BTNL8: variants seen among roughly 807,000 people sequenced by gnomAD.
The protein encoded by BTNL8 is butyrophilin like 8, also known as butyrophilin-like protein 8.
Under a neutral mutation model 36.1 loss-of-function variants are expected in BTNL8, and 22 were observed. That is an observed-to-expected ratio of 0.61 (90% CI 0.44 to 0.87). BTNL8 has a LOEUF of 0.87. BTNL8 is among the 40% of genes least tolerant of loss of function. BTNL8 has a pLI of 0.00. For synonymous variants in BTNL8, 203 were observed against 235.6 expected, an observed-to-expected ratio of 0.86 and a Z score of 1.27; for missense variants, 526 against 616.9, an observed-to-expected ratio of 0.85 and a Z score of 1.56.
chr5:180,928,161 G>A (rs1291721201), intron 3 of BTNL8, among the ~76,000 whole-genome samples: 1 of 152,208 alleles, frequency 6.6e-6, no homozygotes. Flanking sequence ...CAAGCCAGAA[G>A]AGAGTGAGGG....
intron 3 of BTNL8, among the ~76,000 whole-genome samples, chr5:180,941,916 T>TTTTTTTTTTTTGAGACGGAGTCTCGCTG (rs1172840637): frequency 2.0e-5 from 3 of 150,526 alleles, no homozygotes; most frequent in African/African-American, 7.4e-5. Flanking sequence ...ACTACTCTTA[T>TTTTTTTTTTTTGAGACGGAGTCTCGCTG]TCAACAAAGT....
At chr5:180,945,091 C>T (rs1017509363) in intron 3 of BTNL8, among the ~76,000 whole-genome samples, 22 of 152,170 alleles carry the variant, frequency 1.4e-4, no homozygotes, top group Admixed American at 5.2e-4. Context: ...ATAATTAAAA[C>T]GTCCTGGGGC....
chr5:180,947,645 A>G lies in BTNL8; in HGVS notation c.787+20A>G. The G allele has an allele frequency of 3.7e-6, 6 of 1,614,214 alleles. No homozygotes were observed. Among genetic ancestry groups the G allele is most frequent in the Non-Finnish European group, 5.1e-6 (6 of 1,180,030 alleles). On this transcript the variant is annotated intron_variant, in intron 4 of 7. Transcript: ENST00000340184. ...TCCAGTGTAAGCGAGAGAGAGAAGC[A>G]TGGGCCGGTGCCTTATTCATGGTTC...
At chr5:180,922,037 A>T (rs1757889118) in intron 3 of BTNL8, among the ~76,000 whole-genome samples, 1 of 151,528 alleles carries the variant, frequency 6.6e-6, no homozygotes, top group African/African-American at 2.4e-5. Context: ...GCTCAGTGTA[A>T]TATCCCCTTT....
chr5:180,936,755 G>A (rs948316037), intron 3 of BTNL8, among the ~76,000 whole-genome samples: 6 of 152,180 alleles, frequency 3.9e-5, no homozygotes, highest in Non-Finnish European at 7.3e-5. Flanking sequence ...CAGTGACCCT[G>A]ACCACTTGAT....
At chr5:180,901,947 T>G (rs1233685169) in intron 1 of BTNL8, among the ~76,000 whole-genome samples, 2 of 152,208 alleles carry the variant, frequency 1.3e-5, no homozygotes, top group Admixed American at 6.5e-5. Flanking sequence ...CTTTCAGAAC[T>G]TGGCAGAACA....
chr5:180,948,760 A>G, intron 5 of BTNL8, 160 bp from the exon 6 acceptor site: 3 of 481,316 alleles, frequency 6.2e-6, no homozygotes, highest in Non-Finnish European at 1.1e-5. Flanking sequence ...CCAGTTCTGT[A>G]TCAACCACTA....
chr5:180,949,460 G>T (rs1480563317), intron 7 of BTNL8, 195 bp downstream of exon 7: 4 of 889,114 alleles, frequency 4.5e-6, no homozygotes, highest in Non-Finnish European at 6.6e-6. Context: ...TCTAGAAGGG[G>T]AGAAGACAGG....
chr5:180,943,541 CAAT>C (rs767252759), intron 3 of BTNL8, among the ~76,000 whole-genome samples: 12 of 152,114 alleles, frequency 7.9e-5, no homozygotes, highest in African/African-American at 1.7e-4. Flanking sequence ...ATCAAAACTA[CAAT>C]GAGATAAAAC....
chr5:180,949,647 G>C, intron 7 of BTNL8: 1 of 550,686 alleles, frequency 1.8e-6, no homozygotes, highest in Non-Finnish European at 3.2e-6. Flanking sequence ...ATAGTTTTAT[G>C]TATGAAGGGA....
intron 3 of BTNL8, among the ~76,000 whole-genome samples, chr5:180,930,896 T>C (rs1333232504): frequency 6.6e-6 from 1 of 152,088 alleles, no homozygotes; most frequent in African/African-American, 2.4e-5. Flanking sequence ...CCAAGGTAAT[T>C]TATAGATTCA....
At chr5:180,912,582 G>A (rs1757449251) in intron 3 of BTNL8, among the ~76,000 whole-genome samples, 1 of 152,030 alleles carries the variant, frequency 6.6e-6, no homozygotes, top group East Asian at 1.9e-4. Context: ...AAAATTCTCT[G>A]AGCTGGGATT....
rs767571247 is a variant in BTNL8, at chr5:180,947,501, T to C, written c.674-11T>C. On this transcript the variant is annotated splice_polypyrimidine_tract_variant and intron_variant, in intron 3 of 7. Coordinates refer to ENST00000340184, the MANE Select transcript of BTNL8 (RefSeq NM_001040462.3). ...ACCAATAACTAAAATGTCTGTGGGA[T>C]TGTTTTTCAGATACCTTTTTCGAGC... 5.0e-6 allele frequency: 8 copies of C among 1,611,840 alleles called. No individual in the cohort carries two copies. The South Asian group carries it at 6.6e-5, about 13-fold the overall frequency.
rs1385110598 is a variant in BTNL8 at position 180,911,447 on chromosome 5, G to T, written c.506G>T (p.Gly169Val). ...WFPRPTAKWK[G>V]PQGQDLSTDS... ...CCCCGGCCCACAGCGAAGTGGAAAGGTCCACAAGGACAGGATTTGTCCACA... is the reference window on the plus strand; with the variant it reads ...CCCCGGCCCACAGCGAAGTGGAAAGTTCCACAAGGACAGGATTTGTCCACA... Residue 169 changes from glycine to valine, a missense_variant, in exon 3 of 8, where the codon GGT becomes GTT. This residue lies in a region of BTNL8 where 350 missense variants were observed against 324.6 expected (regional missense o/e 1.08). Transcript: ENST00000340184. 2 of 1,614,214 alleles carry T rather than the reference G, an allele frequency of 1.2e-6. No individual in the cohort carries two copies. The highest frequency in any genetic ancestry group is 1.7e-6 in the Non-Finnish European group (2 of 1,180,040).
At chr5:180,904,451 TAC>T (rs1350747616) in intron 1 of BTNL8, among the ~76,000 whole-genome samples, 2 of 107,912 alleles carry the variant, frequency 1.9e-5, no homozygotes, top group East Asian at 4.9e-4. Context: ...TTTCTAGATA[TAC>T]AATCATGTCG....
intron 3 of BTNL8, among the ~76,000 whole-genome samples, chr5:180,912,842 A>C (rs1190386533): frequency 6.6e-6 from 1 of 152,232 alleles, no homozygotes; most frequent in Non-Finnish European, 1.5e-5. Context: ...CCTAGTGAAT[A>C]AGATGAGATT....
At chr5:180,934,463 C>T (rs1463668336) in intron 3 of BTNL8, among the ~76,000 whole-genome samples, 1 of 152,230 alleles carries the variant, frequency 6.6e-6, no homozygotes, top group East Asian at 1.9e-4. Context: ...GTCCAGATCC[C>T]ACACCTGCCA....
chr5:180,924,876 A>G (rs1758027662), intron 3 of BTNL8, among the ~76,000 whole-genome samples: 1 of 152,244 alleles, frequency 6.6e-6, no homozygotes, highest in Non-Finnish European at 1.5e-5. Flanking sequence ...GAAGTTCAGG[A>G]AACTACAAGA....
chr5:180,923,744 T>C (rs1415968641), intron 3 of BTNL8, among the ~76,000 whole-genome samples: 3 of 152,136 alleles, frequency 2.0e-5, no homozygotes, highest in Non-Finnish European at 2.9e-5. Context: ...ATAATACACA[T>C]TGGAAATCTG....
Sources: gnomAD v4.1 joint callset for allele counts (sites outside exome capture counted in the v4.1 genomes callset) on GRCh38, gnomAD v4.1.1 for gene constraint, gnomAD v4.1.1 regional missense constraint, MANE v1.5 for transcripts, NCBI Gene and HGNC (gene_info 2026-07-23, HGNC 2026-07-21) for gene names.